The following RBFOX1 variants were observed in gnomAD, a reference collection of about 807,000 sequenced individuals.
The protein encoded by RBFOX1 is RNA binding protein fox-1 homolog 1.
RBFOX1 carries 8 observed loss-of-function variants against 57.7 expected under a neutral mutation model. The observed-to-expected ratio is 0.14, with a 90% confidence interval of 0.08 to 0.25. The LOEUF is 0.25. Ranked by LOEUF, RBFOX1 falls within the 10% of genes least tolerant of loss-of-function variation. RBFOX1 has a pLI of 1.00. For synonymous variants in RBFOX1, 326 were observed against 222.4 expected, an observed-to-expected ratio of 1.47 and a Z score of -4.15; for missense variants, 611 against 548.5, an observed-to-expected ratio of 1.11 and a Z score of -1.14.
intron 4 of RBFOX1, among the ~76,000 whole-genome samples, chr16:7,403,484 G>A (rs985353085): frequency 1.3e-5 from 2 of 151,332 alleles, no homozygotes; most frequent in African/African-American, 2.4e-5. Context: ...ATCTTACAGC[G>A]TTTGTCTTTC....
At chr16:5,558,070 C>G (rs1222773764) in intron 2 of RBFOX1, among the ~76,000 whole-genome samples, 1 of 152,192 alleles carries the variant, frequency 6.6e-6, no homozygotes, top group African/African-American at 2.4e-5. Flanking sequence ...TTCCAGCTCC[C>G]CATCCATCTT....
chr16:7,642,868 C>T (rs556613288), intron 11 of RBFOX1, among the ~76,000 whole-genome samples: 2 of 152,222 alleles, frequency 1.3e-5, no homozygotes, highest in African/African-American at 4.8e-5. Flanking sequence ...GCAGTTCTGC[C>T]AAGTTAAACA....
At chr16:7,367,763 C>A (rs2097483881) in intron 4 of RBFOX1, among the ~76,000 whole-genome samples, 1 of 151,984 alleles carries the variant, frequency 6.6e-6, no homozygotes, top group African/African-American at 2.4e-5. Context: ...GCAGGCTCTG[C>A]GTTGTCAGAT....
chr16:5,424,706 C>A (rs79237696), intron 1 of RBFOX1, among the ~76,000 whole-genome samples: 1 of 151,734 alleles, frequency 6.6e-6, no homozygotes, highest in Non-Finnish European at 1.5e-5. Context: ...TGAGGGCGCA[C>A]GTGTGGGTTT....
At chr16:7,133,160 G>A (rs1299335833) in intron 4 of RBFOX1, among the ~76,000 whole-genome samples, 3 of 152,130 alleles carry the variant, frequency 2.0e-5, no homozygotes, top group African/African-American at 7.2e-5. Flanking sequence ...CTAGAAAGAG[G>A]TTTTAGTATC....
chr16:6,899,340 T>G (rs1466959614), intron 3 of RBFOX1, among the ~76,000 whole-genome samples: 1 of 152,210 alleles, frequency 6.6e-6, no homozygotes, highest in Non-Finnish European at 1.5e-5. Context: ...CATTCCATTT[T>G]CTATTTAGCA....
intron 4 of RBFOX1, among the ~76,000 whole-genome samples, chr16:7,481,738 C>A (rs1214222078): frequency 1.3e-5 from 2 of 152,124 alleles, no homozygotes; most frequent in South Asian, 2.1e-4. Context: ...TGCAATAAAC[C>A]CATCATAAGT....
intron 3 of RBFOX1, among the ~76,000 whole-genome samples, chr16:6,823,985 A>C (rs1401581296): frequency 6.6e-6 from 1 of 152,204 alleles, no homozygotes; most frequent in African/African-American, 2.4e-5. Context: ...AAGGATGGGT[A>C]TGAGCTGGCC....
chr16:7,416,873 C>T lies in RBFOX1; in HGVS notation c.28-101274C>T, dbSNP rs545810785. The stretch of plus-strand genomic sequence containing the variant: ...AACACATATTATCTCATTCAATCCC[C>T]GACAACAACCCTCTGAAGGAGGTGT... On this transcript the variant is annotated intron_variant, in intron 4 of 15. Coordinates refer to ENST00000550418, the MANE Select transcript of RBFOX1 (RefSeq NM_018723.4). 2.0e-5 allele frequency among the ~76,000 whole-genome samples: 3 copies of T among 152,172 alleles called. No individual in the cohort carries two copies. The South Asian group carries it at 6.2e-4, about 32-fold the overall frequency.
chr16:6,285,967 G>A (rs913070645), intron 1 of RBFOX1, among the ~76,000 whole-genome samples: 2 of 152,154 alleles, frequency 1.3e-5, no homozygotes, highest in African/African-American at 2.4e-5. Flanking sequence ...AGTCGGCGGA[G>A]CGTTATTTAG....
chr16:6,537,299 G>A (rs2096748636), intron 2 of RBFOX1, among the ~76,000 whole-genome samples: 1 of 152,172 alleles, frequency 6.6e-6, no homozygotes, highest in Admixed American at 6.5e-5. Flanking sequence ...TTAAGCAACA[G>A]AAATGTATTT....
At chr16:7,265,765 A>G (rs1347521314) in intron 4 of RBFOX1, among the ~76,000 whole-genome samples, 10 of 151,880 alleles carry the variant, frequency 6.6e-5, no homozygotes, top group Non-Finnish European at 1.3e-4. Flanking sequence ...CTTTTCTGAT[A>G]AGGACACTAA....
intron 3 of RBFOX1, among the ~76,000 whole-genome samples, chr16:5,679,496 C>G (rs762079087): frequency 3.9e-5 from 6 of 152,076 alleles, no homozygotes; most frequent in Non-Finnish European, 8.8e-5. Flanking sequence ...GAGGCTCTCC[C>G]TCCCCTTGTC....
chr16:5,994,485 G>C (rs1047230310), intron 4 of RBFOX1, among the ~76,000 whole-genome samples: 1 of 152,134 alleles, frequency 6.6e-6, no homozygotes, highest in Non-Finnish European at 1.5e-5. Context: ...CAAACTGAAA[G>C]TTTCAGATTT....
intron 2 of RBFOX1, among the ~76,000 whole-genome samples, chr16:6,466,152 C>T (rs1268701861): frequency 2.6e-5 from 4 of 151,384 alleles, no homozygotes; most frequent in African/African-American, 7.3e-5. Flanking sequence ...TCGCTTGAAC[C>T]CGGGAGGCAG....
At chr16:6,107,715 GGA>G (rs2096398485) in intron 1 of RBFOX1, among the ~76,000 whole-genome samples, 1 of 102,244 alleles carries the variant, frequency 9.8e-6, no homozygotes, top group East Asian at 3.3e-4. Flanking sequence ...ATGGATGGAT[GGA>G]TTTGTGGGTG....
At chr16:7,431,744 A>G (rs1159688581) in intron 4 of RBFOX1, among the ~76,000 whole-genome samples, 2 of 152,178 alleles carry the variant, frequency 1.3e-5, no homozygotes, top group East Asian at 3.9e-4. Flanking sequence ...TACAGAACAA[A>G]GACATGGAGA....
intron 3 of RBFOX1, among the ~76,000 whole-genome samples, chr16:6,718,084 G>T (rs2065193385): frequency 6.6e-6 from 1 of 152,194 alleles, no homozygotes; most frequent in Non-Finnish European, 1.5e-5. Context: ...TTTAGAGCCA[G>T]TGGCTACTTC....
chr16:5,556,024 A>AAAAC (rs142881757), intron 2 of RBFOX1, among the ~76,000 whole-genome samples: 6,130 of 152,006 alleles, frequency 0.04, 399 homozygotes, highest in African/African-American at 0.14. Context: ...CTGTCTCAAA[A>AAAAC]AAACAAACAA....
Sources: gnomAD v4.1 joint callset for allele counts (sites outside exome capture counted in the v4.1 genomes callset) on GRCh38, gnomAD v4.1.1 for gene constraint, MANE v1.5 for transcripts, NCBI Gene and HGNC (gene_info 2026-07-23, HGNC 2026-07-21) for gene names.